FRAS1: variants seen among roughly 807,000 people sequenced by gnomAD.
FRAS1 encodes extracellular matrix organizing protein FRAS1.
In FRAS1, 290 loss-of-function variants were observed where a neutral mutation model predicts 435.2. That is an observed-to-expected ratio of 0.67 (90% CI 0.61 to 0.73). The LOEUF (loss-of-function observed/expected upper bound fraction) is 0.73. Among genes scored for constraint, FRAS1 ranks in the 30% least tolerant of loss-of-function variants. FRAS1 has a pLI of 0.00. For synonymous variants in FRAS1, 1,800 were observed against 1,851.0 expected (o/e 0.97, Z 0.71); for missense variants, 4,860 against 5,001.5 (o/e 0.97, Z 0.85).
At chr4:78,326,155 C>CT (rs34948232) in intron 18 of FRAS1, among the ~76,000 whole-genome samples, 119,125 of 152,036 alleles carry the variant, frequency 0.78, 47,354 homozygotes, top group African/African-American at 0.91. Context: ...TTATAAAGAT[C>CT]GTCTGGTGGA....
At chr4:78,232,879 C>T (rs1724577418) in intron 2 of FRAS1, among the ~76,000 whole-genome samples, 1 of 152,098 alleles carries the variant, frequency 6.6e-6, no homozygotes, top group South Asian at 2.1e-4. Flanking sequence ...AATGAGATCT[C>T]CTTGTTTGAA....
chr4:78,059,693 A>G (rs1739661229), intron 1 of FRAS1, among the ~76,000 whole-genome samples: 1 of 151,894 alleles, frequency 6.6e-6, no homozygotes, highest in African/African-American at 2.4e-5. Context: ...ATAGCTCACC[A>G]GGGGGCAGTT....
intron 2 of FRAS1, among the ~76,000 whole-genome samples, chr4:78,221,338 C>T (rs1418347997): frequency 6.6e-6 from 1 of 152,090 alleles, no homozygotes; most frequent in African/African-American, 2.4e-5. Flanking sequence ...ACTGTACGTA[C>T]ACAAAGCTAA....
chr4:78,316,272 T>C (rs1283507071), intron 16 of FRAS1, among the ~76,000 whole-genome samples: 1 of 152,188 alleles, frequency 6.6e-6, no homozygotes, highest in Non-Finnish European at 1.5e-5. Context: ...ATTTCTACCT[T>C]ATGTATGCCT....
At chr4:78,381,476 G>C (rs1732013725) in intron 27 of FRAS1, among the ~76,000 whole-genome samples, 1 of 152,180 alleles carries the variant, frequency 6.6e-6, no homozygotes, top group African/African-American at 2.4e-5. Flanking sequence ...TTTTAGAAGA[G>C]ACAGAGTTTC....
chr4:78,427,700 A>G (rs75155877), intron 35 of FRAS1, among the ~76,000 whole-genome samples: 1 of 152,346 alleles, frequency 6.6e-6, no homozygotes, highest in African/African-American at 2.4e-5. Context: ...TAAAACCTTC[A>G]TTCTCACATG....
intron 2 of FRAS1, among the ~76,000 whole-genome samples, chr4:78,150,960 G>T (rs1037643807): frequency 1.3e-5 from 2 of 152,176 alleles, no homozygotes; most frequent in Non-Finnish European, 2.9e-5. Flanking sequence ...TTATGCCAGA[G>T]GCCAAGGCCA....
At chr4:78,358,255 T>G (rs547074864) in intron 20 of FRAS1, among the ~76,000 whole-genome samples, 12 of 152,300 alleles carry the variant, frequency 7.9e-5, no homozygotes, top group African/African-American at 2.4e-4. Context: ...AAACACAAAG[T>G]AAAACAATGA....
chr4:78,212,006 T>C (rs1208306212), intron 2 of FRAS1, among the ~76,000 whole-genome samples: 1 of 152,232 alleles, frequency 6.6e-6, no homozygotes, highest in African/African-American at 2.4e-5. Context: ...TTCATCTGTG[T>C]TGTAGCATGT....
chr4:78,307,177 G>A (rs976596266), intron 14 of FRAS1, among the ~76,000 whole-genome samples: 15 of 152,166 alleles, frequency 9.9e-5, no homozygotes, highest in South Asian at 2.1e-4. Context: ...TAGGCTGCTC[G>A]GGGGTCAGAG....
chr4:78,312,179 C>CATATATATAT (rs10526590), intron 15 of FRAS1, among the ~76,000 whole-genome samples: 4,714 of 128,526 alleles, frequency 0.037, 338 homozygotes, highest in African/African-American at 0.12. Context: ...ATCTGAAGTC[C>CATATATATAT]ATATATATAT....
intron 2 of FRAS1, among the ~76,000 whole-genome samples, chr4:78,114,316 T>C (rs1294591535): frequency 6.6e-6 from 1 of 152,078 alleles, no homozygotes; most frequent in Non-Finnish European, 1.5e-5. Flanking sequence ...ATGCAGGCTC[T>C]TTTTTTGGTT....
At chr4:78,114,504 A>C (rs140774565) in intron 2 of FRAS1, among the ~76,000 whole-genome samples, 32 of 151,038 alleles carry the variant, frequency 2.1e-4, no homozygotes, top group Non-Finnish European at 3.7e-4. Flanking sequence ...CTTTTATTTC[A>C]TTGAGCAGTG....
chr4:78,387,559 A>C lies in FRAS1; in HGVS notation c.3833A>C (p.Gln1278Pro). ...TLQSPATPIYQFQLDELSRGL... is the reference protein window; with the variant it reads ...TLQSPATPIYPFQLDELSRGL... ...CAGTCCCCGGCAACCCCTATCTATC[A>C]ATTCCAGCTGGATGAACTCTCTAGA... The change falls in exon 29 of 74, where the codon CAA becomes CCA. Residue 1278 changes from glutamine (Q) to proline (P), a missense_variant. Transcript: ENST00000512123. 6.2e-7 allele frequency: 1 copy of C among 1,613,704 alleles called. No individual in the cohort carries two copies. Among genetic ancestry groups the C allele is most frequent in the Middle Eastern group, 1.6e-4 (1 of 6,062 alleles).
At chr4:78,222,163 C>T (rs553938609) in intron 2 of FRAS1, among the ~76,000 whole-genome samples, 5 of 152,074 alleles carry the variant, frequency 3.3e-5, no homozygotes, top group South Asian at 2.1e-4. Context: ...GGAAGAGTTA[C>T]GGAGTTATCA....
At chr4:78,272,672 T>C (rs1726769838) in intron 9 of FRAS1, among the ~76,000 whole-genome samples, 2 of 152,204 alleles carry the variant, frequency 1.3e-5, no homozygotes, top group African/African-American at 2.4e-5. Flanking sequence ...TTGGTCTATA[T>C]CTCTGTTTTG....
chr4:78,315,597 G>T lies in FRAS1; in HGVS notation c.1682G>T (p.Cys561Phe). The T allele has an allele frequency of 1.9e-6, 3 of 1,608,326 alleles. No individual in the cohort carries two copies. Among genetic ancestry groups the T allele is most frequent in the Non-Finnish European group, 2.5e-6 (3 of 1,176,808 alleles). The stretch of plus-strand genomic sequence containing the variant: ...TGGGTTTTTTGCCTCCCCTTAGCTT[G>T]TGACCAATCCTGTGACAGTTGTGGC... Reference protein sequence around the residue: ...FYNRQGTCSACDQSCDSCGPS... With the variant: ...FYNRQGTCSAFDQSCDSCGPS... The change falls in exon 16 of 74, where the codon TGT becomes TTT. Residue 561 changes from cysteine to phenylalanine, a missense_variant. Physicochemically the swap from Cys to Phe is radical, Grantham distance 205 (BLOSUM62 -2). Transcript: ENST00000512123.
In FRAS1 at chr4:78,290,082, A is replaced by G. The variant is rs78283518; in HGVS notation, c.1534+3543A>G. Reference sequence around the variant, plus strand: ...GTGGGACCACTGAACTGTGCACACAAATCTTAGATACGAGAGTCCATAAGA... The same window carrying G: ...GTGGGACCACTGAACTGTGCACACAGATCTTAGATACGAGAGTCCATAAGA... On this transcript the variant is annotated intron_variant, in intron 14 of 73. Coordinates refer to ENST00000512123, the MANE Select transcript of FRAS1 (RefSeq NM_025074.7). 5.3e-3 allele frequency among the ~76,000 whole-genome samples: 800 copies of G among 152,248 alleles called. 12 individuals are homozygous for G. The highest frequency in any genetic ancestry group is 0.018 in the African/African-American group (753 of 41,534).
intron 2 of FRAS1, among the ~76,000 whole-genome samples, chr4:78,078,808 ATTG>A: frequency 6.6e-6 from 1 of 152,188 alleles, no homozygotes. Flanking sequence ...ATTAAGAAGA[ATTG>A]TTGTTAATAA....
Sources: gnomAD v4.1 joint callset for allele counts (sites outside exome capture counted in the v4.1 genomes callset) on GRCh38, gnomAD v4.1.1 for gene constraint, MANE v1.5 for transcripts, NCBI Gene and HGNC (gene_info 2026-07-23, HGNC 2026-07-21) for gene names.